Variants in CNTLN observed in about 807,000 individuals in gnomAD.
The protein encoded by CNTLN is centlein, centrosomal protein.
In CNTLN, 212 loss-of-function variants were observed where a neutral mutation model predicts 180.0. The ratio of observed to expected loss-of-function variants is 1.18; its 90% CI spans 1.05 to 1.32. The LOEUF (loss-of-function observed/expected upper bound fraction) is 1.32, where lower values mean the gene tolerates loss of function less well. Ranked by LOEUF, CNTLN falls within the 40% of genes most tolerant of loss-of-function variation. The pLI is 0.00. For missense variants in CNTLN, 2,095 were observed against 1,610.9 expected (o/e 1.30, Z -5.14); for synonymous variants, 722 against 563.1 (o/e 1.28, Z -3.99).
intron 13 of CNTLN, among the ~76,000 whole-genome samples, chr9:17,371,974 G>A (rs1245050629): frequency 6.6e-6 from 1 of 152,064 alleles, no homozygotes; most frequent in Non-Finnish European, 1.5e-5. Flanking sequence ...GCAATACTAA[G>A]AGGGAAGTTT....
chr9:17,382,146 C>A (rs1049240588), intron 13 of CNTLN, among the ~76,000 whole-genome samples: 1 of 152,074 alleles, frequency 6.6e-6, no homozygotes. Context: ...GAGCATATGG[C>A]TTTCTAGATA....
chr9:17,178,179 G>C (rs957489903), intron 2 of CNTLN, among the ~76,000 whole-genome samples: 3 of 146,780 alleles, frequency 2.0e-5, no homozygotes, highest in African/African-American at 5.1e-5. Context: ...AACTAGATAC[G>C]GAGTGTCGAT....
chr9:17,198,358 A>G (rs1204675710), intron 2 of CNTLN, among the ~76,000 whole-genome samples: 1 of 148,424 alleles, frequency 6.7e-6, no homozygotes, highest in Non-Finnish European at 1.5e-5. Context: ...GATTCGTCCA[A>G]TCCAAGAACA....
the CNTLN span, among the ~76,000 whole-genome samples, chr9:17,527,781 T>G: frequency 6.6e-6 from 1 of 151,914 alleles, no homozygotes; most frequent in African/African-American, 2.4e-5. Flanking sequence ...GCAGGAAATA[T>G]ACAAGATGAG....
chr9:17,341,035 G>A, intron 11 of CNTLN, 87 bp downstream of exon 11: 2 of 1,223,468 alleles, frequency 1.6e-6, no homozygotes, highest in Non-Finnish European at 2.1e-6. Context: ...GCTTTTGTTT[G>A]GTTTTAAAGA....
At chr9:17,167,410 T>TAAAGATACGGCGACCACC in intron 2 of CNTLN, 1 of 146,072 alleles carries the variant, frequency 6.8e-6, no homozygotes, top group Non-Finnish European at 1.5e-5. Flanking sequence ...GATTTTCTTT[T>TAAAGATACGGCGACCACC]GAGATCCACA....
chr9:17,274,141 C>A (rs1316136151), intron 6 of CNTLN, among the ~76,000 whole-genome samples: 2 of 152,010 alleles, frequency 1.3e-5, no homozygotes, highest in East Asian at 3.9e-4. Flanking sequence ...TTGTTTTCTT[C>A]TAACATTTCT....
intron 2 of CNTLN, among the ~76,000 whole-genome samples, chr9:17,174,327 A>G (rs535607784): frequency 6.6e-5 from 10 of 152,270 alleles, no homozygotes; most frequent in African/African-American, 2.4e-4. Context: ...TTGTAAACCT[A>G]AGTTTTTATT....
intron 8 of CNTLN, among the ~76,000 whole-genome samples, chr9:17,317,029 A>C (rs1009474590): frequency 1.3e-5 from 2 of 151,676 alleles, no homozygotes; most frequent in Admixed American, 6.6e-5. Context: ...AACCAGACAG[A>C]AGAAAAAAGT....
At chr9:17,200,426 G>A (rs79052590) in intron 2 of CNTLN, among the ~76,000 whole-genome samples, 4 of 152,066 alleles carry the variant, frequency 2.6e-5, no homozygotes, top group Admixed American at 2.6e-4. Flanking sequence ...TTACTTTGGG[G>A]AGTATGGCCA....
chr9:17,447,727 T>C (rs1390265554), intron 18 of CNTLN: 1 of 154,512 alleles, frequency 6.5e-6, no homozygotes, highest in African/African-American at 2.4e-5. Flanking sequence ...ATTTTCTTGG[T>C]AAGATGGAAG....
chr9:17,250,835 C>T lies in CNTLN; in HGVS notation c.849+14247C>T, dbSNP rs544014744. Among the ~76,000 whole-genome samples, 3 of 151,998 alleles carry T rather than the reference C, an allele frequency of 2.0e-5. No homozygotes were observed. The East Asian group carries it at 5.8e-4, about 29-fold the overall frequency. On this transcript the variant is annotated intron_variant, in intron 5 of 25. Transcript: ENST00000380647. ...GCTTTTATATTTGCTCACCTATTTA[C>T]CTTTACTAGAAGTCTTTATTTCTTC... is the stretch of plus-strand genomic sequence containing the variant.
At chr9:17,320,462 A>G (rs1819832143) in intron 8 of CNTLN, among the ~76,000 whole-genome samples, 1 of 150,800 alleles carries the variant, frequency 6.6e-6, no homozygotes, top group African/African-American at 2.4e-5. Flanking sequence ...TCTTAAAACT[A>G]TGTTTTCTTA....
At chr9:17,425,289 T>C (rs74330467) in intron 18 of CNTLN, among the ~76,000 whole-genome samples, 2,288 of 152,194 alleles carry the variant, frequency 0.015, 57 homozygotes, top group African/African-American at 0.051. Flanking sequence ...AAGGAGGTCC[T>C]GTGGGCCCTC....
intron 13 of CNTLN, among the ~76,000 whole-genome samples, chr9:17,384,445 C>T (rs1587843357): frequency 6.6e-6 from 1 of 152,140 alleles, no homozygotes; most frequent in Admixed American, 6.5e-5. Flanking sequence ...ATAGATTCTT[C>T]CCAGGCCTCC....
At chr9:17,216,957 G>A (rs796873165) in intron 2 of CNTLN, among the ~76,000 whole-genome samples, 17 of 152,344 alleles carry the variant, frequency 1.1e-4, no homozygotes, top group Admixed American at 5.2e-4. Context: ...AGCACTTTTC[G>A]TGTTGCAAGA....
chr9:17,462,411 G>C (rs918968312), intron 19 of CNTLN, among the ~76,000 whole-genome samples: 3 of 151,696 alleles, frequency 2.0e-5, no homozygotes, highest in African/African-American at 7.3e-5. Context: ...TAAGGCCTGG[G>C]AACTGAAATT....
intron 12 of CNTLN, among the ~76,000 whole-genome samples, chr9:17,363,033 G>C (rs1357009996): frequency 6.6e-6 from 1 of 152,252 alleles, no homozygotes; most frequent in South Asian, 2.1e-4. Flanking sequence ...ATGGTTTCCA[G>C]CTTCATCCAT....
At chr9:17,458,500 G>A (rs983939058) in intron 19 of CNTLN, among the ~76,000 whole-genome samples, 1 of 151,922 alleles carries the variant, frequency 6.6e-6, no homozygotes, top group African/African-American at 2.4e-5. Flanking sequence ...GATTGTAAAT[G>A]CACAGAGTAC....
Sources: allele counts gnomAD v4.1 joint callset (sites outside exome capture counted in the v4.1 genomes callset), GRCh38; gene constraint gnomAD v4.1.1; transcripts MANE v1.5; gene names NCBI Gene and HGNC (gene_info 2026-07-23, HGNC 2026-07-21).